Variants in MARCHF10 observed in about 807,000 individuals in gnomAD.
MARCHF10 encodes the protein probable E3 ubiquitin-protein ligase MARCHF10.
MARCHF10 carries 64 observed loss-of-function variants against 76.2 expected under a neutral mutation model. The observed-to-expected ratio is 0.84, with a 90% CI of 0.69 to 1.03. The LOEUF (loss-of-function observed/expected upper bound fraction) is 1.03. Among genes scored for constraint, MARCHF10 ranks in the 50% least tolerant of loss-of-function variants. The pLI, the probability that MARCHF10 is intolerant of heterozygous loss-of-function variation, is 0.00. For synonymous variants in MARCHF10, 340 were observed against 357.5 expected (o/e 0.95, Z 0.55); for missense variants, 875 against 958.0 (o/e 0.91, Z 1.14).
At position 62,780,532 on chromosome 17, in the gene MARCHF10, C is replaced by T. The variant is rs116100386; in HGVS notation, c.210+7948G>A. 9.2e-3 allele frequency among the ~76,000 whole-genome samples: 1,406 copies of T among 152,224 alleles called. 28 individuals carry two copies. The highest frequency in any genetic ancestry group is 0.033 in the African/African-American group (1,355 of 41,534). ...GCCTGGGGCACTGCCAGCTGCTTCT[C>T]GGTATCAGGTTCACTGCCTACGCCT... On this transcript the variant is annotated intron_variant, in intron 3 of 10. Transcript: ENST00000311269.
intron 3 of MARCHF10, among the ~76,000 whole-genome samples, chr17:62,773,080 C>T (rs529202932): frequency 9.9e-5 from 15 of 152,012 alleles, no homozygotes; most frequent in African/African-American, 2.2e-4. Context: ...AAGAGGTTTG[C>T]GGCACAAAAA....
chr17:62,722,546 A>G lies in MARCHF10; in HGVS notation c.2156T>C (p.Leu719Pro), dbSNP rs746187392. The change falls in exon 8 of 11, where the codon CTG becomes CCG. Residue 719 changes from leucine (L) to proline (P), a missense_variant. Coordinates refer to ENST00000311269, the MANE Select transcript of MARCHF10 (RefSeq NM_152598.4). ...KTCEMCKQGL[L>P]VDLGDFNMIE... ...CATGTTAAAGTCACCCAGGTCAACC[A>G]GCAGGCCTTGCTTACACATCTCACA... The G allele has an allele frequency of 9.3e-6, 15 of 1,613,946 alleles. No individual in the cohort carries two copies. The highest frequency in any genetic ancestry group is 1.3e-5 in the African/African-American group (1 of 74,930).
chr17:62,716,219 G>T (rs1446498979), intron 8 of MARCHF10, among the ~76,000 whole-genome samples: 1 of 152,154 alleles, frequency 6.6e-6, no homozygotes, highest in Non-Finnish European at 1.5e-5. Context: ...TGGTCGGTAG[G>T]GCCCTGCGGG....
At chr17:62,707,794 T>G (rs767968706) in intron 9 of MARCHF10, among the ~76,000 whole-genome samples, 32 of 152,242 alleles carry the variant, frequency 2.1e-4, no homozygotes, top group Non-Finnish European at 4.4e-4. Context: ...AGTGTCTTAA[T>G]CATCTTTGTA....
At chr17:62,701,829 A>ACTG (rs1361449074) in intron 10 of MARCHF10, 71 bp from the exon 11 acceptor site, 108 of 1,593,574 alleles carry the variant, frequency 6.8e-5, no homozygotes, top group Middle Eastern at 3.7e-4. Context: ...GGGGCACGGC[A>ACTG]CTGCTGCTTC....
At chr17:62,767,813 T>G (rs1597964623) in intron 3 of MARCHF10, among the ~76,000 whole-genome samples, 1 of 152,030 alleles carries the variant, frequency 6.6e-6, no homozygotes, top group South Asian at 2.1e-4. Context: ...TCTAGCAAAA[T>G]CCCTTCTAAA....
chr17:62,740,608 G>A (rs2091469617), intron 5 of MARCHF10, among the ~76,000 whole-genome samples: 1 of 151,924 alleles, frequency 6.6e-6, no homozygotes, highest in Non-Finnish European at 1.5e-5. Context: ...AAGACCCCAG[G>A]GCTGTTTTCA....
intron 7 of MARCHF10, among the ~76,000 whole-genome samples, chr17:62,723,706 G>A (rs2090613962): frequency 6.6e-6 from 1 of 151,890 alleles, no homozygotes; most frequent in Admixed American, 6.6e-5. Context: ...TGTTTCACAG[G>A]TAACTTTTTC....
intron 2 of MARCHF10, among the ~76,000 whole-genome samples, chr17:62,792,149 CCT>C (rs2092855796): frequency 6.6e-6 from 1 of 151,960 alleles, no homozygotes; most frequent in Non-Finnish European, 1.5e-5. Flanking sequence ...AGTGCGTCCC[CCT>C]GACTACAGCA....
intron 8 of MARCHF10, among the ~76,000 whole-genome samples, chr17:62,718,000 C>G (rs1303624628): frequency 2.0e-5 from 3 of 152,106 alleles, no homozygotes; most frequent in Non-Finnish European, 4.4e-5. Context: ...CTAGGCCAGT[C>G]ATTGGTGCAC....
At chr17:62,790,979 C>T (rs2092832073) in intron 2 of MARCHF10, among the ~76,000 whole-genome samples, 2 of 152,168 alleles carry the variant, frequency 1.3e-5, no homozygotes, top group South Asian at 4.1e-4. Context: ...CAACATCTGT[C>T]CCACAGTTAA....
At chr17:62,799,432 T>C (rs954503930) in intron 2 of MARCHF10, among the ~76,000 whole-genome samples, 6 of 152,112 alleles carry the variant, frequency 3.9e-5, no homozygotes, top group Admixed American at 3.9e-4. Flanking sequence ...ACTTAAACCA[T>C]CCAATAATTC....
intron 3 of MARCHF10, among the ~76,000 whole-genome samples, chr17:62,764,879 G>C (rs2092291532): frequency 6.6e-6 from 1 of 152,188 alleles, no homozygotes; most frequent in African/African-American, 2.4e-5. Context: ...TGTACGCTTG[G>C]ACAATAAAGA....
At chr17:62,730,221 C>G (rs376728668) in intron 6 of MARCHF10, among the ~76,000 whole-genome samples, 1 of 151,764 alleles carries the variant, frequency 6.6e-6, no homozygotes, top group African/African-American at 2.4e-5. Context: ...ACAACAAAAC[C>G]CCAAAAAACA....
chr17:62,778,587 G>A (rs1172189661), intron 3 of MARCHF10, among the ~76,000 whole-genome samples: 2 of 151,728 alleles, frequency 1.3e-5, no homozygotes, highest in African/African-American at 2.4e-5. Flanking sequence ...AAAATTAGCC[G>A]GGCATCATGG....
intron 4 of MARCHF10, among the ~76,000 whole-genome samples, chr17:62,745,003 C>CAAAAA (rs371677963): frequency 8.2e-5 from 8 of 97,974 alleles, no homozygotes; most frequent in South Asian, 3.9e-4. Flanking sequence ...GACTCCATCT[C>CAAAAA]AAAAAAAAAA....
rs546862844 is a variant in MARCHF10, at chr17:62,803,157, T to G, written c.-17-1405A>C. Among the ~76,000 whole-genome samples, 5 of 152,168 alleles carry G rather than the reference T, an allele frequency of 3.3e-5. No individual in the cohort carries two copies. In the East Asian group the frequency reaches 9.7e-4, roughly 29 times the overall value. ...ATTGAAAATTAGCCAGGTATTGTGA[T>G]GCATGCCTATAGTCCTACCTACTCA... On this transcript the variant is annotated intron_variant, in intron 1 of 10. Transcript: ENST00000311269.
intron 2 of MARCHF10, among the ~76,000 whole-genome samples, chr17:62,799,869 C>T (rs549684863): frequency 6.6e-6 from 1 of 152,300 alleles, no homozygotes; most frequent in South Asian, 2.1e-4. Context: ...TTGGTTTCAT[C>T]CGGGCTGGTT....
intron 6 of MARCHF10, among the ~76,000 whole-genome samples, chr17:62,726,929 C>G (rs1014821288): frequency 3.3e-5 from 5 of 152,144 alleles, no homozygotes; most frequent in Non-Finnish European, 7.4e-5. Context: ...CACACCTGGC[C>G]TAGAAGATTT....
Sources: gnomAD v4.1 joint callset for allele counts (sites outside exome capture counted in the v4.1 genomes callset) on GRCh38, gnomAD v4.1.1 for gene constraint, MANE v1.5 for transcripts, NCBI Gene and HGNC (gene_info 2026-07-23, HGNC 2026-07-21) for gene names.